The following NWD2 variants were observed in gnomAD, a reference collection of about 807,000 sequenced individuals.
NWD2 encodes the protein NACHT and WD repeat domain containing 2.
Under a neutral mutation model 132.7 loss-of-function variants are expected in NWD2, and 37 were observed. The ratio of observed to expected loss-of-function variants is 0.28; its 90% CI spans 0.21 to 0.37. The LOEUF (loss-of-function observed/expected upper bound fraction) is 0.37. Among genes scored for constraint, NWD2 ranks in the 10% least tolerant of loss-of-function variants. The probability of loss-of-function intolerance (pLI) is 1.00; values close to 1 mark genes in which losing one functional copy is unlikely to be tolerated. For missense variants in NWD2, 1,592 were observed against 2,122.4 expected, an observed-to-expected ratio of 0.75 and a Z score of 4.91; for synonymous variants, 705 against 803.0, an observed-to-expected ratio of 0.88 and a Z score of 2.06.
chr4:37,420,617 A>G (rs966689502), intron 3 of NWD2, among the ~76,000 whole-genome samples: 2 of 152,204 alleles, frequency 1.3e-5, no homozygotes, highest in African/African-American at 4.8e-5. Context: ...CAGAAGGTGG[A>G]GGTTGCAGTG....
At chr4:37,425,223 C>T (rs909275993) in intron 3 of NWD2, among the ~76,000 whole-genome samples, 1 of 152,180 alleles carries the variant, frequency 6.6e-6, no homozygotes, top group Non-Finnish European at 1.5e-5. Context: ...ACTACATTTA[C>T]AGTGTTGTAC....
Position 37,443,694 on chromosome 4 carries a change from T to G in NWD2, c.1706T>G (p.Leu569Arg). 6.4e-7 allele frequency: 1 copy of G among 1,552,036 alleles called. No individual in the cohort carries two copies. Among genetic ancestry groups the G allele is most frequent in the South Asian group, 1.2e-5 (1 of 84,030 alleles). ...CATGAAGAAGACAACTACATCGAGCTGATTCCCCGAGACAGGAAGATGTGC... is the reference window on the plus strand; with the variant it reads ...CATGAAGAAGACAACTACATCGAGCGGATTCCCCGAGACAGGAAGATGTGC... ...LIHEEDNYIE[L>R]IPRDRKMCSQ... Residue 569 changes from leucine to arginine, a missense_variant, in exon 7 of 7, where the codon CTG becomes CGG. Coordinates refer to ENST00000309447, the MANE Select transcript of NWD2 (RefSeq NM_001144990.2). This position sits in a 1 kb window ranked among gnomAD's most constrained non-coding sequence, Gnocchi z 4.1.
chr4:37,315,427 G>A lies in NWD2; in HGVS notation c.152-10509G>A, dbSNP rs142196508. On this transcript the variant is annotated intron_variant, in intron 1 of 6. Coordinates refer to ENST00000309447, the MANE Select transcript of NWD2 (RefSeq NM_001144990.2). ...TTCTTTTAATTTTGCCAGCTTCTCC[G>A]TTATATATTTTAGGGTACTGTTTAT... is the stretch of plus-strand genomic sequence containing the variant. Among the ~76,000 whole-genome samples, 207 of 152,048 alleles carry A rather than the reference G, an allele frequency of 1.4e-3. 1 individual carries two copies. Among genetic ancestry groups the A allele is most frequent in the African/African-American group, 4.5e-3 (185 of 41,518 alleles).
At chr4:37,261,100 C>T (rs9992443) in intron 1 of NWD2, among the ~76,000 whole-genome samples, 2,303 of 152,280 alleles carry the variant, frequency 0.015, 50 homozygotes, top group African/African-American at 0.052. Context: ...TTAACACATG[C>T]TTGGCACAAT....
At chr4:37,436,313 A>C (rs1168898838) in intron 5 of NWD2, among the ~76,000 whole-genome samples, 1 of 152,232 alleles carries the variant, frequency 6.6e-6, no homozygotes, top group Non-Finnish European at 1.5e-5. Flanking sequence ...TAGGCATCAG[A>C]AACTGTGAAT....
At chr4:37,433,123 A>G (rs1712223951) in intron 4 of NWD2, among the ~76,000 whole-genome samples, 1 of 152,234 alleles carries the variant, frequency 6.6e-6, no homozygotes, top group Non-Finnish European at 1.5e-5. Context: ...TATATTATTC[A>G]AAGTAATTAT....
chr4:37,267,123 A>T (rs1000166436), intron 1 of NWD2, among the ~76,000 whole-genome samples: 1 of 152,038 alleles, frequency 6.6e-6, no homozygotes, highest in Non-Finnish European at 1.5e-5. Context: ...ACAGAAAACT[A>T]GTCTAGGTAC....
chr4:37,264,115 C>T (rs985357465), intron 1 of NWD2, among the ~76,000 whole-genome samples: 1 of 152,106 alleles, frequency 6.6e-6, no homozygotes, highest in Non-Finnish European at 1.5e-5. Flanking sequence ...GACCCAGAAT[C>T]CTTCAGTCTA....
At chr4:37,372,573 G>T (rs1333597500) in intron 3 of NWD2, among the ~76,000 whole-genome samples, 1 of 152,164 alleles carries the variant, frequency 6.6e-6, no homozygotes, top group Admixed American at 6.5e-5. Flanking sequence ...GGACCAACGG[G>T]TCTCAAATTC....
rs1233117366 is a variant in NWD2 at position 37,445,292 on chromosome 4, A to G, written c.3304A>G (p.Thr1102Ala). Residue 1102 changes from threonine (T) to alanine (A), a missense_variant, in exon 7 of 7, where the codon ACG becomes GCG. By Grantham distance (58) the Thr-to-Ala change is moderately conservative. Around this residue, in one of 7 missense-constraint regions of NWD2, gnomAD observed 1,071 missense variants for 1,398.0 expected, o/e 0.77. Transcript: ENST00000309447. The surrounding 1 kb of genome is among the most constrained non-coding windows in gnomAD (Gnocchi z 4.7). ...CCAGTTCCACTGCTGGTATGAAGTGACGTGCGTCCAGTGCTCCCTGGATGG... is the reference window on the plus strand; with the variant it reads ...CCAGTTCCACTGCTGGTATGAAGTGGCGTGCGTCCAGTGCTCCCTGGATGG... The part of the protein sequence containing the change: ...LYQFHCWYEV[T>A]CVQCSLDGLY... 3.2e-6 allele frequency: 5 copies of G among 1,552,016 alleles called. No individual in the cohort carries two copies. Among genetic ancestry groups the G allele is most frequent in the Non-Finnish European group, 4.4e-6 (5 of 1,147,058 alleles).
At chr4:37,370,462 GC>G (rs1231109093) in intron 3 of NWD2, among the ~76,000 whole-genome samples, 1 of 152,072 alleles carries the variant, frequency 6.6e-6, no homozygotes, top group Non-Finnish European at 1.5e-5. Context: ...TTATTTTCTT[GC>G]CCCAAAATGG....
At chr4:37,364,645 G>A (rs1720056170) in intron 3 of NWD2, among the ~76,000 whole-genome samples, 1 of 151,582 alleles carries the variant, frequency 6.6e-6, no homozygotes, top group Non-Finnish European at 1.5e-5. Flanking sequence ...TATCACCATT[G>A]TTGCTTGAGT....
chr4:37,343,562 C>T (rs954498972), intron 2 of NWD2, among the ~76,000 whole-genome samples: 14 of 152,196 alleles, frequency 9.2e-5, no homozygotes, highest in African/African-American at 3.4e-4. Context: ...TGTAGCCTTC[C>T]ATTGTAATAC....
At chr4:37,441,829 G>A (rs191339018) in intron 6 of NWD2, among the ~76,000 whole-genome samples, 1 of 152,294 alleles carries the variant, frequency 6.6e-6, no homozygotes. Flanking sequence ...TGAGGATGCA[G>A]ATAGATATCT....
intron 3 of NWD2, among the ~76,000 whole-genome samples, chr4:37,362,652 A>G (rs1352343083): frequency 6.6e-6 from 1 of 152,124 alleles, no homozygotes; most frequent in African/African-American, 2.4e-5. Context: ...ATCCTTCACC[A>G]TACACAAAAA....
intron 1 of NWD2, among the ~76,000 whole-genome samples, chr4:37,299,811 G>A (rs755266381): frequency 1.3e-5 from 2 of 152,092 alleles, no homozygotes; most frequent in Admixed American, 6.6e-5. Flanking sequence ...ATGATGAATT[G>A]CTTTTGTTCT....
chr4:37,262,692 A>G (rs1717665256), intron 1 of NWD2, among the ~76,000 whole-genome samples: 1 of 152,158 alleles, frequency 6.6e-6, no homozygotes, highest in Non-Finnish European at 1.5e-5. Context: ...GATGAGAGAC[A>G]TTGTATTGGA....
chr4:37,405,622 G>A (rs1435266580), intron 3 of NWD2, among the ~76,000 whole-genome samples: 1 of 152,178 alleles, frequency 6.6e-6, no homozygotes, highest in East Asian at 1.9e-4. Context: ...TCTAACATGA[G>A]TTTGCTTGAA....
intron 3 of NWD2, among the ~76,000 whole-genome samples, chr4:37,360,449 T>G (rs2109302081): frequency 6.6e-6 from 1 of 152,318 alleles, no homozygotes; most frequent in Non-Finnish European, 1.5e-5. Context: ...AAATGTAATA[T>G]TTGTAAAATG....
Sources: allele counts gnomAD v4.1 joint callset (sites outside exome capture counted in the v4.1 genomes callset), GRCh38; gene constraint gnomAD v4.1.1; regional missense constraint gnomAD v4.1.1; non-coding constraint Gnocchi (gnomAD v3.1); transcripts MANE v1.5; gene names NCBI Gene and HGNC (gene_info 2026-07-23, HGNC 2026-07-21).